The following FANCB variants were observed in gnomAD, a reference collection of about 807,000 sequenced individuals.
FANCB encodes the protein Fanconi anemia group B protein.
Under a neutral mutation model 38.9 loss-of-function variants are expected in FANCB, and 5 were observed. That is an observed-to-expected ratio of 0.13 (90% CI 0.07 to 0.27). The LOEUF (loss-of-function observed/expected upper bound fraction) is 0.27. Among genes scored for constraint, FANCB ranks in the 10% least tolerant of loss-of-function variants. The pLI, the probability that FANCB is intolerant of heterozygous loss-of-function variation, is 1.00. For missense variants in FANCB, 573 were observed against 602.7 expected, an observed-to-expected ratio of 0.95 and a Z score of 0.52; for synonymous variants, 236 against 215.4, an observed-to-expected ratio of 1.10 and a Z score of -0.84.
downstream of FANCB, chrX:14,835,344 T>G: frequency 2.2e-6 from 1 of 450,592 alleles, no homozygotes; most frequent in Non-Finnish European, 4.1e-6. Context: ...TGCACTTAGG[T>G]GGGAGAGAAG....
At chrX:14,691,271 CTGTGTGTGTGTGTGTG>C in the FANCB span, among the ~76,000 whole-genome samples, 244 of 85,261 alleles carry the variant, frequency 2.9e-3, no homozygotes, top group South Asian at 0.021. Flanking sequence ...TAAATATTGA[CTGTGTGTGTGTGTGTG>C]TGTGTGTGTG....
At chrX:14,785,510 T>C in the FANCB span, among the ~76,000 whole-genome samples, 2 of 112,013 alleles carry the variant, frequency 1.8e-5, no homozygotes, top group Admixed American at 1.9e-4. Flanking sequence ...CTCCTTGCAT[T>C]CTTACCGAGT....
rs1263331311 is a variant in FANCB, at chrX:14,845,052, T to G, written c.1731A>C (p.Ile577=). 8.3e-7 allele frequency: 1 copy of G among 1,207,829 alleles called. No individual in the cohort carries two copies. Among genetic ancestry groups the G allele is most frequent in the South Asian group, 1.8e-5 (1 of 56,899 alleles). The change falls in exon 8 of 10, where the codon ATA becomes ATC. Residue 577 remains isoleucine, a synonymous_variant. Coordinates refer to ENST00000650831, the MANE Select transcript of FANCB (RefSeq NM_001018113.3). The part of the protein sequence containing the change: ...EHPSKKECVQ[I]ITAVTSLSPL... Reference sequence around the variant, plus strand: ...GTGAAAGAGATGTTACAGCAGTAATTATCTGTACACACTCTTTCTTAGATG... The same window carrying G: ...GTGAAAGAGATGTTACAGCAGTAATGATCTGTACACACTCTTTCTTAGATG...
chrX:14,793,498 C>T, the FANCB span, among the ~76,000 whole-genome samples: 1 of 111,995 alleles, frequency 8.9e-6, no homozygotes, highest in East Asian at 2.8e-4. Context: ...GAATTGTATA[C>T]TCTAAATGGG....
intron 1 of FANCB, among the ~76,000 whole-genome samples, chrX:14,869,730 C>T (rs1357670425): frequency 1.8e-5 from 2 of 111,838 alleles, no homozygotes; most frequent in Admixed American, 1.9e-4. Flanking sequence ...AAAATAGATG[C>T]TAAACACTGT....
chrX:14,841,191 A>C (rs925990779), downstream of FANCB, among the ~76,000 whole-genome samples: 1 of 112,352 alleles, frequency 8.9e-6, no homozygotes, highest in Non-Finnish European at 1.9e-5. Flanking sequence ...GAAGCCTAAA[A>C]TTCTTCAGAT....
chrX:14,772,619 T>C, the FANCB span, among the ~76,000 whole-genome samples: 1 of 112,263 alleles, frequency 8.9e-6, no homozygotes, highest in Non-Finnish European at 1.9e-5. Flanking sequence ...AAGTGGGGCA[T>C]GCAGAATGAT....
At chrX:14,761,404 T>G in the FANCB span, among the ~76,000 whole-genome samples, 1 of 111,285 alleles carries the variant, frequency 9.0e-6, no homozygotes, top group African/African-American at 3.3e-5. Context: ...GGAGGTCAGT[T>G]GCAAACGATT....
chrX:14,845,649 T>A lies in FANCB; in HGVS notation c.1497-363A>T, dbSNP rs755516959. Among the ~76,000 whole-genome samples, 8 of 111,849 alleles carry A rather than the reference T, an allele frequency of 7.2e-5. No individual in the cohort carries two copies. The South Asian group carries it at 2.6e-3, about 36-fold the overall frequency. On this transcript the variant is annotated intron_variant, in intron 7 of 9. Coordinates refer to ENST00000650831, the MANE Select transcript of FANCB (RefSeq NM_001018113.3). ...AATGCCAGGATTTTATCTTTCAGGT[T>A]GGTCTTTTTTTTCTCCTCTTTTTAA...
At chrX:14,736,399 G>T in the FANCB span, among the ~76,000 whole-genome samples, 4 of 112,132 alleles carry the variant, frequency 3.6e-5, no homozygotes, top group African/African-American at 1.3e-4. Flanking sequence ...TGGTCTGTGG[G>T]TTGTGAAGAC....
chrX:14,690,255 TTTTG>T, the FANCB span, among the ~76,000 whole-genome samples: 6 of 112,080 alleles, frequency 5.4e-5, no homozygotes, highest in East Asian at 5.5e-4. Flanking sequence ...TGCCTCAAAG[TTTTG>T]TTTTTCTTGT....
At chrX:14,838,059 T>C (rs1287859322) in intron 10 of FANCB, among the ~76,000 whole-genome samples, 1 of 112,208 alleles carries the variant, frequency 8.9e-6, no homozygotes, top group Non-Finnish European at 1.9e-5. Flanking sequence ...TATAACCTTA[T>C]TCTATTTTAA....
At chrX:14,767,495 A>G in the FANCB span, among the ~76,000 whole-genome samples, 2 of 111,075 alleles carry the variant, frequency 1.8e-5, no homozygotes, top group African/African-American at 6.6e-5. Flanking sequence ...TCTTCTTATG[A>G]GCAGTATCTA....
At chrX:14,815,469 T>C in the FANCB span, among the ~76,000 whole-genome samples, 3 of 111,729 alleles carry the variant, frequency 2.7e-5, no homozygotes, top group Admixed American at 2.8e-4. Flanking sequence ...TAAATGCAAA[T>C]TAAAACCACC....
chrX:14,796,663 C>T, the FANCB span, among the ~76,000 whole-genome samples: 2 of 72,339 alleles, frequency 2.8e-5, no homozygotes, highest in Admixed American at 1.9e-4. Context: ...TGCATATATA[C>T]ACACACACAC....
chrX:14,816,772 T>G, the FANCB span, among the ~76,000 whole-genome samples: 2 of 112,231 alleles, frequency 1.8e-5, no homozygotes, highest in Admixed American at 9.4e-5. Flanking sequence ...TCTAAAAGGA[T>G]GAAGATGATC....
chrX:14,805,955 T>C, the FANCB span, among the ~76,000 whole-genome samples: 10 of 112,352 alleles, frequency 8.9e-5, no homozygotes, highest in Admixed American at 9.5e-4. Context: ...TTCCCCTTGT[T>C]CTAAACATTG....
the FANCB span, among the ~76,000 whole-genome samples, chrX:14,725,402 G>C: frequency 9.0e-6 from 1 of 110,760 alleles, no homozygotes; most frequent in African/African-American, 3.3e-5. Flanking sequence ...TGCTTCCTAA[G>C]ACAGACTGGA....
chrX:14,781,771 T>C, the FANCB span, among the ~76,000 whole-genome samples: 1 of 112,421 alleles, frequency 8.9e-6, no homozygotes, highest in African/African-American at 3.2e-5. Flanking sequence ...CAGAGGGTAA[T>C]ACCATTTATT....
Sources: gnomAD v4.1 joint callset for allele counts (sites outside exome capture counted in the v4.1 genomes callset) on GRCh38, gnomAD v4.1.1 for gene constraint, MANE v1.5 for transcripts, NCBI Gene and HGNC (gene_info 2026-07-23, HGNC 2026-07-21) for gene names.